ZNF366: variants seen among roughly 807,000 people sequenced by gnomAD.
ZNF366 encodes the protein dendritic cell-specific transcript protein.
ZNF366 carries 20 observed loss-of-function variants against 47.2 expected under a neutral mutation model. The ratio of observed to expected loss-of-function variants is 0.42; its 90% CI spans 0.30 to 0.62. The LOEUF (loss-of-function observed/expected upper bound fraction) is 0.62, where lower values mean the gene tolerates loss of function less well. Among genes scored for constraint, ZNF366 ranks in the 20% least tolerant of loss-of-function variants. The pLI, the probability that ZNF366 is intolerant of heterozygous loss-of-function variation, is 0.16. For synonymous variants in ZNF366, 421 were observed against 395.1 expected (o/e 1.07, Z -0.78); for missense variants, 987 against 976.3 (o/e 1.01, Z -0.15).
At chr5:72,504,402 T>C (rs967397065) in intron 1 of ZNF366, among the ~76,000 whole-genome samples, 3 of 152,186 alleles carry the variant, frequency 2.0e-5, no homozygotes, top group African/African-American at 2.4e-5. Context: ...ACAATATAAC[T>C]GAACTCTCTT....
In ZNF366 at chr5:72,446,771, A is replaced by AT. The variant is rs200335695; in HGVS notation, c.1699+471dup. ...TCTGTTTTCTAAAAAGGAAAGAAAA[A>AT]TTGCGTGCCCATTCACAGCAAAGTC... On this transcript the variant is annotated intron_variant, in intron 4 of 4. Coordinates refer to ENST00000318442, the MANE Select transcript of ZNF366 (RefSeq NM_152625.3). 1.3e-3 allele frequency among the ~76,000 whole-genome samples: 204 copies of AT among 152,304 alleles called. 4 individuals carry two copies. The East Asian group carries it at 0.033, about 25-fold the overall frequency.
At chr5:72,457,935 C>G (rs190367531) in intron 2 of ZNF366, among the ~76,000 whole-genome samples, 1 of 150,382 alleles carries the variant, frequency 6.6e-6, no homozygotes, top group Non-Finnish European at 1.5e-5. Flanking sequence ...AGTGCATATT[C>G]AAACACTGAG....
intron 1 of ZNF366, among the ~76,000 whole-genome samples, chr5:72,499,983 C>T (rs1561206469): frequency 6.6e-6 from 1 of 152,178 alleles, no homozygotes; most frequent in South Asian, 2.1e-4. Context: ...ATAGTCTCCT[C>T]TTGATTTCTG....
In ZNF366 at chr5:72,440,337, CAGAA is replaced by C. The variant is rs1332924472; in HGVS notation, c.*3415_*3418del. Reference sequence around the variant, plus strand: ...GGAGTCAAATTTTTAAAAAGAGAGACAGAAAGAGGAATTGAAAGGTAACATGAGG... The same window carrying C: ...GGAGTCAAATTTTTAAAAAGAGAGACAGAGGAATTGAAAGGTAACATGAGG... On this transcript the variant is annotated 3_prime_UTR_variant, in exon 5 of 5. Coordinates refer to ENST00000318442, the MANE Select transcript of ZNF366 (RefSeq NM_152625.3). 6.6e-6 allele frequency: 1 copy of C among 151,740 alleles called. No homozygotes were observed. The highest frequency in any genetic ancestry group is 1.5e-5 in the Non-Finnish European group (1 of 67,972). The allele number at this position is 151,740 out of a possible 1,614,324, so 9.4% of individuals were successfully genotyped here. A position where few individuals can be genotyped will look rare whatever the true frequency, so the allele number is the denominator to read the frequency against.
At chr5:72,473,238 G>A (rs2112338177) in intron 1 of ZNF366, among the ~76,000 whole-genome samples, 1 of 152,300 alleles carries the variant, frequency 6.6e-6, no homozygotes, top group Non-Finnish European at 1.5e-5. Flanking sequence ...GAACAATGAG[G>A]CAACAATGCT....
Position 72,461,303 on chromosome 5 carries a change from T to C in ZNF366, c.194A>G (p.Asp65Gly), listed in dbSNP as rs1409657177. The change falls in exon 2 of 5, where the codon GAT becomes GGT. Residue 65 changes from aspartate to glycine, a missense_variant. By Grantham distance (94) the Asp-to-Gly change is moderately conservative. Coordinates refer to ENST00000318442, the MANE Select transcript of ZNF366 (RefSeq NM_152625.3). ...FRYEPPPGDL[D>G]GFPGVFEGAG... ...TCCTTCGAAGACCCCGGGGAACCCATCTAGGTCTCCTGGGGGAGGTTCATA... is the reference window on the plus strand; with the variant it reads ...TCCTTCGAAGACCCCGGGGAACCCACCTAGGTCTCCTGGGGGAGGTTCATA... The C allele has an allele frequency of 6.2e-7, 1 of 1,613,962 alleles. No individual in the cohort carries two copies. Among genetic ancestry groups the C allele is most frequent in the East Asian group, 2.2e-5 (1 of 44,828 alleles).
Position 72,507,360 on chromosome 5 carries a change from G to C in ZNF366, c.-124C>G, listed in dbSNP as rs1243135164. The C allele has an allele frequency of 1.0e-6, 1 of 985,212 alleles. No homozygotes were observed. Among genetic ancestry groups the C allele is most frequent in the African/African-American group, 1.7e-5 (1 of 57,170 alleles). The allele number at this position is 985,212 out of a possible 1,614,324, so 61.0% of individuals were successfully genotyped here. On this transcript the variant is annotated 5_prime_UTR_variant, in exon 1 of 5. Coordinates refer to ENST00000318442, the MANE Select transcript of ZNF366 (RefSeq NM_152625.3). ...CTCTTTCTCTTGTGTACAGATTGCA[G>C]GGAACTTAAAGAACTCGCAGGGACA... is the stretch of plus-strand genomic sequence containing the variant.
chr5:72,449,697 T>C (rs1198934251), intron 3 of ZNF366, among the ~76,000 whole-genome samples: 4 of 152,258 alleles, frequency 2.6e-5, no homozygotes, highest in South Asian at 2.1e-4. Flanking sequence ...GGTTCAGATA[T>C]GTTCTCACTC....
intron 1 of ZNF366, among the ~76,000 whole-genome samples, chr5:72,500,734 A>AC (rs1744198035): frequency 6.6e-6 from 1 of 152,142 alleles, no homozygotes; most frequent in East Asian, 1.9e-4. Context: ...ACAGTCCAAA[A>AC]CCATAAGGCA....
chr5:72,485,899 G>A (rs1677900861), intron 1 of ZNF366, among the ~76,000 whole-genome samples: 1 of 152,106 alleles, frequency 6.6e-6, no homozygotes, highest in African/African-American at 2.4e-5. Context: ...CCTTTCACTT[G>A]CTGTTCTTTC....
intron 1 of ZNF366, among the ~76,000 whole-genome samples, chr5:72,467,031 A>C (rs1743443225): frequency 6.6e-6 from 1 of 152,252 alleles, no homozygotes; most frequent in Admixed American, 6.5e-5. Flanking sequence ...AGAAAGGGAA[A>C]TGTAAACCAA....
intron 1 of ZNF366, among the ~76,000 whole-genome samples, chr5:72,498,225 G>A (rs1744149184): frequency 1.3e-5 from 2 of 151,978 alleles, no homozygotes; most frequent in African/African-American, 4.8e-5. Flanking sequence ...AACATTTTAA[G>A]TCTTTCATCT....
rs1265200811 is a variant in ZNF366 at position 72,440,750 on chromosome 5, A to G, written c.*3006T>C. 2 of 152,188 alleles carry G rather than the reference A, an allele frequency of 1.3e-5. No individual in the cohort carries two copies. Among genetic ancestry groups the G allele is most frequent in the Non-Finnish European group, 2.9e-5 (2 of 68,040 alleles). 9.4% of individuals were successfully genotyped at this position (152,188 alleles called of 1,614,324 possible). ...TATCCTGGGACAACAGGTCTAAACC[A>G]CGATCATCCCAGGCAAACCAGGATG... On this transcript the variant is annotated 3_prime_UTR_variant, in exon 5 of 5. Coordinates refer to ENST00000318442, the MANE Select transcript of ZNF366 (RefSeq NM_152625.3).
In ZNF366 at chr5:72,444,095, G is replaced by T. The variant is rs1391742867; in HGVS notation, c.1896C>A (p.Ser632Arg). The T allele has an allele frequency of 3.7e-6, 6 of 1,613,994 alleles. No homozygotes were observed. Among genetic ancestry groups the T allele is most frequent in the Non-Finnish European group, 4.2e-6 (5 of 1,180,036 alleles). The change falls in exon 5 of 5, where the codon AGC becomes AGA. Residue 632 changes from serine (S) to arginine (R), a missense_variant. Around this residue, in one of 3 missense-constraint regions of ZNF366, gnomAD observed 285 missense variants for 234.8 expected, o/e 1.21. Coordinates refer to ENST00000318442, the MANE Select transcript of ZNF366 (RefSeq NM_152625.3). ...GCTGGCTCTGGGGGGCCAGGCCAGG[G>T]CTGTAGGGCTCCACCTCGTAGCAGT... ...EDNCYEVEPY[S>R]PGLAPQSQQL...
Position 72,447,240 on chromosome 5 carries a change from T to C in ZNF366, c.1699+3A>G, listed in dbSNP as rs1561188767. On this transcript the variant is annotated splice_donor_region_variant and intron_variant, in intron 4 of 4. Coordinates refer to ENST00000318442, the MANE Select transcript of ZNF366 (RefSeq NM_152625.3). ...TTGCAGGGCTTCCCAGAAGAGTGAT[T>C]ACCTTGGGAATGAAGGCCCCGCTCC... 1.2e-6 allele frequency: 2 copies of C among 1,614,064 alleles called. No homozygotes were observed. Among genetic ancestry groups the C allele is most frequent in the Non-Finnish European group, 1.7e-6 (2 of 1,179,954 alleles).
chr5:72,473,680 T>G (rs1046352650), intron 1 of ZNF366, among the ~76,000 whole-genome samples: 10 of 152,212 alleles, frequency 6.6e-5, no homozygotes, highest in Non-Finnish European at 1.0e-4. Context: ...TGCTCCCTAC[T>G]CAGTTATCTG....
chr5:72,458,217 C>T (rs1190615050), intron 2 of ZNF366, among the ~76,000 whole-genome samples: 3 of 151,892 alleles, frequency 2.0e-5, no homozygotes, highest in Admixed American at 6.6e-5. Context: ...GGGGTTTCAC[C>T]GTGTTAGCCA....
chr5:72,457,376 C>T (rs1743212985), intron 2 of ZNF366, among the ~76,000 whole-genome samples: 1 of 152,182 alleles, frequency 6.6e-6, no homozygotes, highest in African/African-American at 2.4e-5. Flanking sequence ...CTATCCATTG[C>T]TTCCCCACAA....
intron 1 of ZNF366, among the ~76,000 whole-genome samples, chr5:72,476,146 G>A (rs771966551): frequency 1.3e-5 from 2 of 151,906 alleles, no homozygotes; most frequent in Non-Finnish European, 2.9e-5. Context: ...CATAAGACCA[G>A]GTACCTGGCC....
Sources: gnomAD v4.1 joint callset for allele counts (sites outside exome capture counted in the v4.1 genomes callset) on GRCh38, gnomAD v4.1.1 for gene constraint, gnomAD v4.1.1 regional missense constraint, MANE v1.5 for transcripts, NCBI Gene and HGNC (gene_info 2026-07-23, HGNC 2026-07-21) for gene names.